Variants in DTL observed in about 807,000 individuals in gnomAD.
DTL encodes the protein denticleless protein homolog.
DTL carries 46 observed loss-of-function variants against 87.0 expected under a neutral mutation model. The ratio of observed to expected loss-of-function variants is 0.53; its 90% confidence interval spans 0.42 to 0.68. The LOEUF (loss-of-function observed/expected upper bound fraction) is 0.68, where lower values mean the gene tolerates loss of function less well. Among genes scored for constraint, DTL ranks in the 30% least tolerant of loss-of-function variants. The pLI is 0.00. For missense variants in DTL, 737 were observed against 869.4 expected (o/e 0.85, Z 1.91); for synonymous variants, 308 against 311.2 (o/e 0.99, Z 0.11).
intron 13 of DTL, among the ~76,000 whole-genome samples, chr1:212,085,157 A>G (rs73089293): frequency 0.034 from 5,204 of 152,306 alleles, 301 homozygotes; most frequent in African/African-American, 0.12. Flanking sequence ...AGTCAACTGA[A>G]TGCATGGCTG....
intron 13 of DTL, among the ~76,000 whole-genome samples, chr1:212,084,194 TTTTTTTCTTTTC>T (rs138187100): frequency 0.41 from 56,073 of 137,388 alleles, 10,754 homozygotes; most frequent in East Asian, 0.58. Flanking sequence ...TTTTAATTTC[TTTTTTTCTTTTC>T]TTTTTTTTTT....
At chr1:212,069,708 G>T (rs1654615844) in intron 10 of DTL, among the ~76,000 whole-genome samples, 1 of 151,994 alleles carries the variant, frequency 6.6e-6, no homozygotes, top group South Asian at 2.1e-4. Context: ...ACCATGCCTG[G>T]CTAATTTTTG....
intron 13 of DTL, among the ~76,000 whole-genome samples, chr1:212,094,880 G>T (rs1265183503): frequency 1.3e-5 from 2 of 152,100 alleles, no homozygotes; most frequent in Non-Finnish European, 2.9e-5. Flanking sequence ...TTGTTGATTT[G>T]ATTTGCAGCT....
intron 5 of DTL, among the ~76,000 whole-genome samples, chr1:212,062,389 T>C (rs1654354922): frequency 6.6e-6 from 1 of 150,526 alleles, no homozygotes; most frequent in South Asian, 2.1e-4. Flanking sequence ...ATGGATCTGG[T>C]CCATATTTTT....
chr1:212,076,025 T>C (rs1025134105), intron 11 of DTL, among the ~76,000 whole-genome samples: 3 of 152,212 alleles, frequency 2.0e-5, no homozygotes, highest in African/African-American at 7.2e-5. Context: ...TCATCCATGT[T>C]ATAGCATGTG....
chr1:212,090,639 A>G (rs1368817666), intron 13 of DTL, among the ~76,000 whole-genome samples: 1 of 152,218 alleles, frequency 6.6e-6, no homozygotes, highest in Non-Finnish European at 1.5e-5. Flanking sequence ...TTGTATGTAA[A>G]CAAAGGGACA....
chr1:212,092,682 G>T (rs1382607245), intron 13 of DTL, among the ~76,000 whole-genome samples: 1 of 152,190 alleles, frequency 6.6e-6, no homozygotes, highest in African/African-American at 2.4e-5. Context: ...GGGCATTTGG[G>T]CTGGTTCCAC....
At chr1:212,099,698 A>G (rs1468586181) in intron 13 of DTL, 1 of 152,656 alleles carries the variant, frequency 6.6e-6, no homozygotes, top group Non-Finnish European at 1.5e-5. Context: ...TTGGGCACTC[A>G]ATTTTTCTGC....
In DTL at chr1:212,043,126, A is replaced by T. The variant is rs1262125531; in HGVS notation, c.178+8A>T. On this transcript the variant is annotated splice_region_variant and intron_variant, in intron 2 of 14. Transcript: ENST00000366991. ...GATGTACCTTCTCTTCTGGTAAGAG[A>T]ATTACTATCTAGGCAAGGCTTGGAC... 6.2e-7 allele frequency: 1 copy of T among 1,609,258 alleles called. No homozygotes were observed. The highest frequency in any genetic ancestry group is 8.5e-7 in the Non-Finnish European group (1 of 1,178,136).
intron 1 of DTL, 130 bp downstream of exon 1, chr1:212,036,072 T>G: frequency 1.2e-6 from 1 of 835,320 alleles, no homozygotes. Context: ...AAGGGTAAAT[T>G]AGTGTTAGCA....
intron 10 of DTL, 43 bp from the exon 11 acceptor site, chr1:212,072,058 G>T: frequency 7.1e-6 from 10 of 1,418,204 alleles, no homozygotes; most frequent in Non-Finnish European, 1.0e-5. Flanking sequence ...TTGACCACTA[G>T]AAATAACAAG....
intron 2 of DTL, 77 bp downstream of exon 2, chr1:212,043,195 A>G: frequency 2.2e-6 from 3 of 1,388,302 alleles, no homozygotes; most frequent in East Asian, 2.5e-5. Flanking sequence ...ATACTAGAGT[A>G]TTTCCCTTTC....
intron 3 of DTL, 87 bp from the exon 4 acceptor site, chr1:212,047,064 C>T (rs1333864530): frequency 2.5e-6 from 3 of 1,214,150 alleles, no homozygotes; most frequent in South Asian, 1.3e-5. Flanking sequence ...TTTACTACTA[C>T]AGCTTTCCAG....
At chr1:212,080,594 C>T (rs1654960991) in intron 12 of DTL, 21 bp from the exon 13 acceptor site, 2 of 1,596,956 alleles carry the variant, frequency 1.3e-6, no homozygotes, top group Non-Finnish European at 1.7e-6. Flanking sequence ...TCTTAATTCC[C>T]TTCTTGGTAC....
intron 13 of DTL, among the ~76,000 whole-genome samples, chr1:212,086,802 T>C (rs954726913): frequency 1.3e-5 from 2 of 152,250 alleles, no homozygotes; most frequent in Non-Finnish European, 1.5e-5. Context: ...GTTTCAAATA[T>C]TTTAAAACTT....
intron 13 of DTL, among the ~76,000 whole-genome samples, chr1:212,089,321 A>G (rs1305132259): frequency 1.3e-5 from 2 of 152,194 alleles, no homozygotes; most frequent in African/African-American, 4.8e-5. Context: ...TGCACCTGTT[A>G]AAAATAATGC....
intron 13 of DTL, among the ~76,000 whole-genome samples, chr1:212,083,030 T>C (rs1655031342): frequency 6.6e-6 from 1 of 152,190 alleles, no homozygotes; most frequent in Non-Finnish European, 1.5e-5. Flanking sequence ...GACTATAAGA[T>C]ATAACCTTGG....
chr1:212,092,575 TC>T (rs1371097563), intron 13 of DTL, among the ~76,000 whole-genome samples: 3 of 152,154 alleles, frequency 2.0e-5, no homozygotes, highest in Admixed American at 6.5e-5. Context: ...CCATCCTGGT[TC>T]CTGCAAATGC....
chr1:212,044,631 A>G (rs199630297), intron 2 of DTL, 29 bp from the exon 3 acceptor site: 14 of 874,132 alleles, frequency 1.6e-5, no homozygotes, highest in African/African-American at 2.1e-5. Context: ...GTGTTACTCT[A>G]TATATTTTTT....
Sources: gnomAD v4.1 joint callset for allele counts (sites outside exome capture counted in the v4.1 genomes callset) on GRCh38, gnomAD v4.1.1 for gene constraint, MANE v1.5 for transcripts, NCBI Gene and HGNC (gene_info 2026-07-23, HGNC 2026-07-21) for gene names.